Variants in PCDH15 observed in about 807,000 individuals in gnomAD.
PCDH15 encodes the protein protocadherin-15.
PCDH15 carries 129 observed loss-of-function variants against 178.5 expected under a neutral mutation model. The observed-to-expected ratio is 0.72, with a 90% confidence interval of 0.63 to 0.84. The LOEUF is 0.84. Among genes scored for constraint, PCDH15 ranks in the 40% least tolerant of loss-of-function variants. The pLI, the probability that PCDH15 is intolerant of heterozygous loss-of-function variation, is 0.00. For synonymous variants in PCDH15, 800 were observed against 732.0 expected, an observed-to-expected ratio of 1.09 and a Z score of -1.50; for missense variants, 2,230 against 2,099.9, an observed-to-expected ratio of 1.06 and a Z score of -1.21.
intron 23 of PCDH15, among the ~76,000 whole-genome samples, chr10:53,948,903 A>T (rs1243022950): frequency 6.6e-6 from 1 of 152,204 alleles, no homozygotes; most frequent in African/African-American, 2.4e-5. Context: ...ATTGATTACT[A>T]ATAAAATAAA....
chr10:54,220,686 G>A (rs1437140768), intron 9 of PCDH15, among the ~76,000 whole-genome samples: 4 of 152,128 alleles, frequency 2.6e-5, no homozygotes, highest in South Asian at 2.1e-4. Context: ...TTAGCCGGGC[G>A]TGGTGGCGGG....
intron 8 of PCDH15, among the ~76,000 whole-genome samples, chr10:54,253,585 T>A (rs931527129): frequency 2.6e-5 from 4 of 152,078 alleles, no homozygotes; most frequent in African/African-American, 9.7e-5. Flanking sequence ...ACAGAACAAA[T>A]TCTGAACTTT....
chr10:54,789,211 A>T (rs999854485), intron 1 of PCDH15, among the ~76,000 whole-genome samples: 4 of 151,930 alleles, frequency 2.6e-5, no homozygotes, highest in Non-Finnish European at 4.4e-5. Flanking sequence ...TACAAAAACA[A>T]AAATCCTTAA....
intron 2 of PCDH15, among the ~76,000 whole-genome samples, chr10:55,544,245 T>A (rs1172945519): frequency 6.8e-6 from 1 of 147,990 alleles, no homozygotes; most frequent in Non-Finnish European, 1.5e-5. Flanking sequence ...TAGATAGAAA[T>A]TATGAAATTA....
intron 2 of PCDH15, among the ~76,000 whole-genome samples, chr10:55,041,824 T>C (rs1470755822): frequency 1.3e-5 from 2 of 152,156 alleles, no homozygotes; most frequent in Non-Finnish European, 2.9e-5. Flanking sequence ...TCATTTTTCT[T>C]TTTTTAACTT....
At chr10:54,365,392 C>T (rs562480482) in intron 5 of PCDH15, among the ~76,000 whole-genome samples, 162 of 152,074 alleles carry the variant, frequency 1.1e-3, no homozygotes, top group African/African-American at 3.7e-3. Context: ...CTATAGGTAA[C>T]CCATGCTTTA....
intron 17 of PCDH15, among the ~76,000 whole-genome samples, chr10:54,070,114 A>T (rs977794397): frequency 1.3e-5 from 2 of 152,248 alleles, no homozygotes; most frequent in Non-Finnish European, 2.9e-5. Context: ...TATTTAATTT[A>T]AATGTGTCTT....
intron 2 of PCDH15, among the ~76,000 whole-genome samples, chr10:55,093,425 G>A (rs1320389766): frequency 6.6e-6 from 1 of 151,944 alleles, no homozygotes; most frequent in African/African-American, 2.4e-5. Flanking sequence ...ATTTTCTGTA[G>A]TTTGCCTGTT....
At chr10:54,441,606 A>T (rs113705487) in intron 3 of PCDH15, among the ~76,000 whole-genome samples, 3 of 152,056 alleles carry the variant, frequency 2.0e-5, no homozygotes, top group African/African-American at 7.2e-5. Flanking sequence ...TTGTGGCCAC[A>T]GAATTCATTG....
At chr10:54,407,905 A>T (rs1323312540) in intron 3 of PCDH15, among the ~76,000 whole-genome samples, 1 of 151,808 alleles carries the variant, frequency 6.6e-6, no homozygotes, top group Admixed American at 6.6e-5. Context: ...AAAATATACA[A>T]ATTAGTCGGG....
At chr10:55,295,491 A>G (rs1843110001) in intron 1 of PCDH15, among the ~76,000 whole-genome samples, 1 of 152,302 alleles carries the variant, frequency 6.6e-6, no homozygotes. Flanking sequence ...GTGTCAAAAA[A>G]TACCATGCTA....
At chr10:54,274,775 T>C (rs2058258195) in intron 8 of PCDH15, among the ~76,000 whole-genome samples, 1 of 151,972 alleles carries the variant, frequency 6.6e-6, no homozygotes, top group Non-Finnish European at 1.5e-5. Flanking sequence ...CCTATACCTT[T>C]TCAATAATGC....
intron 3 of PCDH15, among the ~76,000 whole-genome samples, chr10:54,471,336 C>A (rs116878601): frequency 1.3e-5 from 2 of 152,030 alleles, no homozygotes; most frequent in Middle Eastern, 3.4e-3. Flanking sequence ...TAAGTGGATG[C>A]ACAAAGCCCA....
chr10:55,383,652 T>A (rs1276121503), intron 2 of PCDH15, among the ~76,000 whole-genome samples: 1 of 152,182 alleles, frequency 6.6e-6, no homozygotes, highest in Admixed American at 6.5e-5. Context: ...TCTGAAGTAG[T>A]TGATTAAATC....
intron 3 of PCDH15, among the ~76,000 whole-genome samples, chr10:54,426,493 C>G (rs575567630): frequency 2.0e-5 from 3 of 152,154 alleles, no homozygotes; most frequent in African/African-American, 7.2e-5. Flanking sequence ...ATCCACCTCT[C>G]CCATCCTGCT....
chr10:54,674,400 C>G (rs573624819), intron 1 of PCDH15, among the ~76,000 whole-genome samples: 1 of 152,154 alleles, frequency 6.6e-6, no homozygotes, highest in African/African-American at 2.4e-5. Context: ...CCAATTTATA[C>G]TATGAAAATC....
At chr10:55,330,745 T>C (rs368207473) in intron 2 of PCDH15, among the ~76,000 whole-genome samples, 1 of 151,854 alleles carries the variant, frequency 6.6e-6, no homozygotes, top group African/African-American at 2.4e-5. Flanking sequence ...AGCTTAGCTT[T>C]TTGATCCTGA....
intron 1 of PCDH15, among the ~76,000 whole-genome samples, chr10:54,687,569 T>C (rs79048605): frequency 0.013 from 1,923 of 152,252 alleles, 47 homozygotes; most frequent in African/African-American, 0.044. Context: ...CCTTGTTGAA[T>C]CCAGTTTGAG....
chr10:53,973,763 A>C (rs528054214), intron 21 of PCDH15, among the ~76,000 whole-genome samples: 1 of 152,198 alleles, frequency 6.6e-6, no homozygotes, highest in Non-Finnish European at 1.5e-5. Context: ...AAAAAAAATC[A>C]TAGCCATTGC....
Sources: gnomAD v4.1 joint callset for allele counts (sites outside exome capture counted in the v4.1 genomes callset) on GRCh38, gnomAD v4.1.1 for gene constraint, MANE v1.5 for transcripts, NCBI Gene and HGNC (gene_info 2026-07-23, HGNC 2026-07-21) for gene names.